SELP: variants seen among roughly 807,000 people sequenced by gnomAD.
The protein encoded by SELP is P-selectin.
In SELP, 92 loss-of-function variants were observed where a neutral mutation model predicts 104.1. The ratio of observed to expected loss-of-function variants is 0.88; its 90% CI spans 0.75 to 1.05. The LOEUF (loss-of-function observed/expected upper bound fraction) is 1.05. Ranked by LOEUF, SELP falls within the 50% of genes least tolerant of loss-of-function variation. The pLI, the probability that SELP is intolerant of heterozygous loss-of-function variation, is 0.00. For synonymous variants in SELP, 397 were observed against 364.5 expected, an observed-to-expected ratio of 1.09 and a Z score of -1.01; for missense variants, 1,022 against 1,017.3, an observed-to-expected ratio of 1.00 and a Z score of -0.06.
At chr1:169,590,768 C>T (rs550183134) in intron 15 of SELP, among the ~76,000 whole-genome samples, 1 of 152,126 alleles carries the variant, frequency 6.6e-6, no homozygotes, top group Non-Finnish European at 1.5e-5. Flanking sequence ...AAAAAAATAC[C>T]CTTGGGGGCA....
chr1:169,612,118 A>G, intron 6 of SELP, 99 bp downstream of exon 6: 1 of 1,284,222 alleles, frequency 7.8e-7, no homozygotes. Flanking sequence ...AATTTTGGCA[A>G]TTCAGGCCAG....
At chr1:169,602,965 T>A (rs1661980141) in intron 10 of SELP, 61 bp downstream of exon 10, 1 of 1,395,108 alleles carries the variant, frequency 7.2e-7, no homozygotes, top group Admixed American at 1.9e-5. Flanking sequence ...AAATCCCTGA[T>A]GATTCTCCAT....
chr1:169,590,177 T>C lies in SELP; in HGVS notation c.2464A>G (p.Thr822Ala). Residue 822 changes from threonine (T) to alanine (A), a missense_variant, in exon 16 of 17, where the codon ACA becomes GCA. Transcript: ENST00000263686. ...GGACTCGGGTCAAATGCAGCGTTTG[T>C]AAAAACTCCATATGTTCCTAGGTGG... is the stretch of plus-strand genomic sequence containing the variant. ...HSHLGTYGVF[T>A]NAAFDPSP The C allele has an allele frequency of 6.2e-7, 1 of 1,613,412 alleles. No homozygotes were observed. Among genetic ancestry groups the C allele is most frequent in the Non-Finnish European group, 8.5e-7 (1 of 1,179,354 alleles).
intron 8 of SELP, among the ~76,000 whole-genome samples, chr1:169,608,873 A>G (rs372199286): frequency 2.0e-5 from 3 of 152,286 alleles, no homozygotes; most frequent in African/African-American, 7.2e-5. Flanking sequence ...ATCCTTGTGA[A>G]CCACCACACC....
intron 10 of SELP, among the ~76,000 whole-genome samples, chr1:169,597,971 G>A (rs370672796): frequency 2.0e-5 from 3 of 152,158 alleles, no homozygotes; most frequent in Non-Finnish European, 4.4e-5. Flanking sequence ...CTGATGTGCT[G>A]TCATGTCCCA....
Position 169,609,571 on chromosome 1 carries a change from C to T in SELP, c.1266G>A (p.Leu422=), listed in dbSNP as rs1662387737. 5.0e-6 allele frequency: 8 copies of T among 1,614,098 alleles called. No homozygotes were observed. The highest frequency in any genetic ancestry group is 6.8e-6 in the Non-Finnish European group (8 of 1,179,992). The stretch of plus-strand genomic sequence containing the variant: ...CACACCGAACTATATCGGCTCCTCT[C>T]AGCATGAAACCTTCAGCACAGCGGA... The part of the protein sequence containing the change: ...CSFRCAEGFM[L]RGADIVRCDN... Residue 422 remains leucine, a synonymous_variant, in exon 8 of 17, where the codon CTG becomes CTA. Coordinates refer to ENST00000263686, the MANE Select transcript of SELP (RefSeq NM_003005.4).
intron 9 of SELP, among the ~76,000 whole-genome samples, chr1:169,605,300 C>A (rs773192536): frequency 2.2e-4 from 34 of 152,224 alleles, no homozygotes; most frequent in Non-Finnish European, 4.4e-4. Context: ...CAGCCCCGCC[C>A]TGTTCTCTCC....
At position 169,594,696 on chromosome 1, in the gene SELP, G is replaced by T. The variant is rs748112541; in HGVS notation, c.2283C>A (p.Cys761Ter). 1 of 1,612,478 alleles carries T rather than the reference G, an allele frequency of 6.2e-7. No individual in the cohort carries two copies. Among genetic ancestry groups the T allele is most frequent in the South Asian group, 1.1e-5 (1 of 90,832 alleles). ...TAACCCACATGAAAATTGTACCTTG[G>T]CAGGTTGGCACGGTAGTTGACCAGT... ...NGHWSTTVPT[C>*]QAGPLTIQEA... Residue 761 changes from cysteine (C) to a stop codon, truncating the protein, a stop_gained, in exon 13 of 17, where the codon TGC becomes TGA. Transcript: ENST00000263686. LOFTEE classifies it high-confidence loss of function.
rs916171968 is a variant in SELP at position 169,609,671 on chromosome 1, A to G, written c.1166T>C (p.Leu389Pro). 5.0e-6 allele frequency: 8 copies of G among 1,612,580 alleles called. No homozygotes were observed. Among genetic ancestry groups the G allele is most frequent in the Non-Finnish European group, 6.8e-6 (8 of 1,179,312 alleles). Reference protein sequence around the residue: ...PTCEAISCEPLESPVHGSMDC... With the variant: ...PTCEAISCEPPESPVHGSMDC... The stretch of plus-strand genomic sequence containing the variant: ...CATGCTTCCGTGGACAGGACTCTCC[A>G]GCGGCTCACACGAAATAGCTAAGTG... The change falls in exon 8 of 17, where the codon CTG (leucine) becomes CCG (proline). Residue 389 changes from leucine to proline, a missense_variant. Physicochemically the swap from Leu to Pro is moderately conservative, Grantham distance 98. Coordinates refer to ENST00000263686, the MANE Select transcript of SELP (RefSeq NM_003005.4).
chr1:169,597,313 T>C, intron 10 of SELP, 137 bp from the exon 11 acceptor site: 1 of 688,034 alleles, frequency 1.5e-6, no homozygotes, highest in Non-Finnish European at 2.3e-6. Context: ...GGCAGCAGCA[T>C]TCCACAACAT....
chr1:169,615,972 C>T (rs1175405278), intron 3 of SELP, among the ~76,000 whole-genome samples: 2 of 152,160 alleles, frequency 1.3e-5, no homozygotes, highest in Non-Finnish European at 2.9e-5. Flanking sequence ...GCAGTCCATA[C>T]CATCCTTAGG....
intron 13 of SELP, 79 bp from the exon 14 acceptor site, chr1:169,593,803 T>G: frequency 6.7e-7 from 1 of 1,503,204 alleles, no homozygotes; most frequent in Non-Finnish European, 9.1e-7. Flanking sequence ...CCAGAAAGTT[T>G]TCAAGAACTC....
Position 169,593,612 on chromosome 1 carries a change from T to C in SELP, c.2400A>G (p.Arg800=). 6.2e-7 allele frequency: 1 copy of C among 1,613,058 alleles called. No homozygotes were observed. The change falls in exon 14 of 17, where the codon AGA becomes AGG. Residue 800 remains arginine, a synonymous_variant. Transcript: ENST00000263686. ...AGACTCTTTCCTATTTACCTTTTTG[T>C]CTGAAACGCTTTCTTAGCAAAGCCA... ...TLLALLRKRF[R]QKDDGKCPLN...
intron 1 of SELP, among the ~76,000 whole-genome samples, chr1:169,619,536 A>G (rs1379332813): frequency 6.6e-6 from 1 of 152,248 alleles, no homozygotes; most frequent in African/African-American, 2.4e-5. Flanking sequence ...AAACACATTA[A>G]TATGGCTGTC....
At chr1:169,614,333 TG>T (rs1272938012) in intron 3 of SELP, among the ~76,000 whole-genome samples, 2 of 152,228 alleles carry the variant, frequency 1.3e-5, no homozygotes, top group African/African-American at 4.8e-5. Flanking sequence ...TGATGTTTCA[TG>T]AGTCTGAATA....
In SELP at chr1:169,607,069, C is replaced by T; in HGVS notation, c.1399G>A (p.Ala467Thr). Reference sequence around the variant, plus strand: ...CTGCAGACTGACTGGTACCTAAAGGCACCGAAGGGGTGGGAGCAGTTCACC... The same window carrying T: ...CTGCAGACTGACTGGTACCTAAAGGTACCGAAGGGGTGGGAGCAGTTCACC... Reference protein sequence around the residue: ...ARVNCSHPFGAFRYQSVCSFT... With the variant: ...ARVNCSHPFGTFRYQSVCSFT... Residue 467 changes from alanine to threonine, a missense_variant, in exon 9 of 17, where the codon GCC becomes ACC. Ala to Thr is a moderately conservative substitution (Grantham distance 58). Coordinates refer to ENST00000263686, the MANE Select transcript of SELP (RefSeq NM_003005.4). 6.2e-7 allele frequency: 1 copy of T among 1,613,128 alleles called. No individual in the cohort carries two copies. The highest frequency in any genetic ancestry group is 8.5e-7 in the Non-Finnish European group (1 of 1,179,240).
intron 9 of SELP, 87 bp from the exon 10 acceptor site, chr1:169,603,298 T>TCC (rs1482749215): frequency 2.9e-6 from 2 of 691,562 alleles, no homozygotes; most frequent in South Asian, 2.1e-5. Context: ...TCTTTCTCCC[T>TCC]CTCTCTCTCT....
chr1:169,606,830 T>C (rs1221160088), intron 9 of SELP, 119 bp downstream of exon 9: 2 of 891,034 alleles, frequency 2.2e-6, no homozygotes, highest in African/African-American at 3.4e-5. Context: ...GTGAGAGTAT[T>C]TATGAATTTT....
Position 169,603,307 on chromosome 1 carries a change from C to CTGTGTGTGTGTGTG in SELP, c.1520-110_1520-97dup, listed in dbSNP as rs3035296. 1.7e-3 allele frequency: 1,004 copies of CTGTGTGTGTGTGTG among 605,494 alleles called. 11 individuals are homozygous for CTGTGTGTGTGTGTG. The African/African-American group carries it at 0.017, about 10-fold the overall frequency. The allele number at this position is 605,494 out of a possible 1,614,324, so 37.5% of individuals were successfully genotyped here. On this transcript the variant is annotated intron_variant, in intron 9 of 16. Transcript: ENST00000263686. ...TCTCTCTCTTTCTCCCTCTCTCTCT[C>CTGTGTGTGTGTGTG]TGTGTGTGTGTGTGTGTGTGTGTGT...
Sources: allele counts gnomAD v4.1 joint callset (sites outside exome capture counted in the v4.1 genomes callset), GRCh38; gene constraint gnomAD v4.1.1; transcripts MANE v1.5; gene names NCBI Gene and HGNC (gene_info 2026-07-23, HGNC 2026-07-21).